GRIK1: variants seen among roughly 807,000 people sequenced by gnomAD.
GRIK1 encodes glutamate ionotropic receptor kainate type subunit 1.
In GRIK1, 69 loss-of-function variants were observed where a neutral mutation model predicts 105.7. That is an observed-to-expected ratio of 0.65 (90% CI 0.54 to 0.80). GRIK1 has a LOEUF of 0.80. Among genes scored for constraint, GRIK1 ranks in the 30% least tolerant of loss-of-function variants. The pLI is 0.00. For synonymous variants in GRIK1, 438 were observed against 431.3 expected (o/e 1.02, Z -0.19); for missense variants, 1,109 against 1,167.3 (o/e 0.95, Z 0.73).
At chr21:29,599,351 T>C (rs1032322804) in intron 7 of GRIK1, among the ~76,000 whole-genome samples, 2 of 152,222 alleles carry the variant, frequency 1.3e-5, no homozygotes, top group Non-Finnish European at 2.9e-5. Flanking sequence ...TAGACTAATA[T>C]AGTCCAATGA....
In GRIK1 at chr21:29,649,264, A is replaced by G. The variant is rs363588; in HGVS notation, c.954+1854T>C. 7.8e-3 allele frequency among the ~76,000 whole-genome samples: 1,183 copies of G among 152,344 alleles called. 4 individuals are homozygous for G. The highest frequency in any genetic ancestry group is 0.024 in the Middle Eastern group (7 of 294). On this transcript the variant is annotated intron_variant, in intron 6 of 17. Coordinates refer to ENST00000327783, the MANE Select transcript of GRIK1 (RefSeq NM_001330994.2). ...GGATACAACTCATACTGGGGCCTGC[A>G]TCCTATCACTTTTTAAAAAATTAGT...
intron 4 of GRIK1, among the ~76,000 whole-genome samples, chr21:29,669,717 A>G (rs2063128727): frequency 6.6e-6 from 1 of 152,176 alleles, no homozygotes; most frequent in African/African-American, 2.4e-5. Context: ...TGCTATGATC[A>G]TGTAGGATGC....
chr21:29,697,437 G>A (rs575828770), intron 1 of GRIK1, among the ~76,000 whole-genome samples: 16 of 152,200 alleles, frequency 1.1e-4, no homozygotes, highest in Non-Finnish European at 1.9e-4. Flanking sequence ...ATGTGCTTGG[G>A]TAGTGTGTAG....
In GRIK1 at chr21:29,642,864, A is replaced by G. The variant is rs113725881; in HGVS notation, c.1060T>C (p.Trp354Arg). 3.1e-6 allele frequency: 5 copies of G among 1,614,154 alleles called. No individual in the cohort carries two copies. In the East Asian group the frequency reaches 8.9e-5, roughly 29 times the overall value. The change falls in exon 7 of 18, where the codon TGG becomes CGG. Residue 354 changes from tryptophan to arginine, a missense_variant. Physicochemically the swap from Trp to Arg is moderately radical, Grantham distance 101 (BLOSUM62 -3). This residue lies in a region of GRIK1 where 612 missense variants were observed against 586.0 expected (regional missense o/e 1.04). Coordinates refer to ENST00000327783, the MANE Select transcript of GRIK1 (RefSeq NM_001330994.2). ...SSLQCHRHKP[W>R]RLGPRFMNLI... Reference sequence around the variant, plus strand: ...TTCATAAATCTGGGTCCGAGGCGCCATGGCTTATGTCTATGGCACTGCAGG... The same window carrying G: ...TTCATAAATCTGGGTCCGAGGCGCCGTGGCTTATGTCTATGGCACTGCAGG...
intron 1 of GRIK1, among the ~76,000 whole-genome samples, chr21:29,722,106 G>A (rs1275476619): frequency 6.6e-6 from 1 of 152,102 alleles, no homozygotes; most frequent in Non-Finnish European, 1.5e-5. Context: ...CCTTGGAAGA[G>A]CTTGAGTATG....
chr21:29,889,364 AC>A (rs1483100450), intron 1 of GRIK1, among the ~76,000 whole-genome samples: 1 of 152,120 alleles, frequency 6.6e-6, no homozygotes, highest in East Asian at 1.9e-4. Flanking sequence ...GATATGGGAA[AC>A]CTTTAATTAT....
chr21:29,777,566 G>T (rs1054709318), intron 1 of GRIK1, among the ~76,000 whole-genome samples: 1 of 152,168 alleles, frequency 6.6e-6, no homozygotes, highest in Non-Finnish European at 1.5e-5. Flanking sequence ...ATTGAAAAAG[G>T]TCTAATTGTG....
At chr21:29,642,779 C>T (rs763145592) in intron 7 of GRIK1, 47 bp downstream of exon 7, 3 of 1,589,394 alleles carry the variant, frequency 1.9e-6, no homozygotes, top group Non-Finnish European at 2.6e-6. Context: ...TGGGCAAGCC[C>T]AACAGTGCTC....
chr21:29,708,838 C>CAGATTTGTTAT (rs1264710565), intron 1 of GRIK1, among the ~76,000 whole-genome samples: 1 of 152,070 alleles, frequency 6.6e-6, no homozygotes, highest in African/African-American at 2.4e-5. Context: ...TTATTTGTTA[C>CAGATTTGTTAT]AGTAACAGAA....
rs192041681 is a variant in GRIK1 at position 29,765,290 on chromosome 21, T to C, written c.119-71227A>G. Among the ~76,000 whole-genome samples the C allele has an allele frequency of 7.3e-3, 1,111 of 152,178 alleles. 10 individuals carry two copies. Among genetic ancestry groups the C allele is most frequent in the African/African-American group, 0.024 (1,011 of 41,468 alleles). ...TTTTATTTTATAAGAAAATCTAATA[T>C]GTCTCTTTTTTCTGCTTGCTTTTAT... On this transcript the variant is annotated intron_variant, in intron 1 of 17. Transcript: ENST00000327783.
rs200187567 is a variant in GRIK1, at chr21:29,709,229, C to G, written c.119-15166G>C. The stretch of plus-strand genomic sequence containing the variant: ...CATTGTGTTAATACTGGTTCTAAAA[C>G]TTGCTGGTAAATAAATGACACTTTC... On this transcript the variant is annotated intron_variant, in intron 1 of 17. Coordinates refer to ENST00000327783, the MANE Select transcript of GRIK1 (RefSeq NM_001330994.2). Among the ~76,000 whole-genome samples, 53 of 150,722 alleles carry G rather than the reference C, an allele frequency of 3.5e-4. 1 individual carries two copies. The East Asian group carries it at 0.01, about 29-fold the overall frequency.
chr21:29,543,403 G>A (rs1226638387), intron 16 of GRIK1, among the ~76,000 whole-genome samples: 1 of 152,202 alleles, frequency 6.6e-6, no homozygotes, highest in Non-Finnish European at 1.5e-5. Flanking sequence ...AAGAGCAGAG[G>A]TCAGGCTTTA....
intron 1 of GRIK1, among the ~76,000 whole-genome samples, chr21:29,747,626 C>A (rs533849449): frequency 1.3e-5 from 2 of 152,066 alleles, no homozygotes; most frequent in African/African-American, 2.4e-5. Flanking sequence ...GTCAGGAGAT[C>A]GAGACCATCC....
intron 11 of GRIK1, among the ~76,000 whole-genome samples, chr21:29,588,168 G>T (rs2061274561): frequency 6.6e-6 from 1 of 151,470 alleles, no homozygotes; most frequent in Admixed American, 6.6e-5. Flanking sequence ...TAGAGGCGGG[G>T]TTTCACTGTG....
chr21:29,819,157 A>G (rs917834341), intron 1 of GRIK1, among the ~76,000 whole-genome samples: 5 of 152,146 alleles, frequency 3.3e-5, no homozygotes, highest in Non-Finnish European at 7.4e-5. Flanking sequence ...ATATTGAAAT[A>G]CTATTCGACA....
chr21:29,593,641 C>T (rs1206873057), intron 9 of GRIK1, among the ~76,000 whole-genome samples: 1 of 152,134 alleles, frequency 6.6e-6, no homozygotes, highest in Non-Finnish European at 1.5e-5. Context: ...AGAAGGGAAT[C>T]TAATTTTTAA....
intron 1 of GRIK1, among the ~76,000 whole-genome samples, chr21:29,756,165 A>G (rs1449711721): frequency 2.0e-5 from 3 of 152,014 alleles, no homozygotes; most frequent in Non-Finnish European, 2.9e-5. Flanking sequence ...GCGGATCACA[A>G]AGTCAGGAGA....
chr21:29,630,445 C>T lies in GRIK1; in HGVS notation c.1098+12381G>A, dbSNP rs531009064. The T allele has an allele frequency of 8.5e-4, 391 of 457,894 alleles. 1 individual carries two copies. The highest frequency in any genetic ancestry group is 1.4e-3 in the Non-Finnish European group (317 of 222,792). 28.4% of individuals were successfully genotyped at this position (457,894 alleles called of 1,614,324 possible). ...ATTGACTTTGACTTAATAAAAAGTA[C>T]GATTATCCTGCAGGGGAGGGCTGAC... On this transcript the variant is annotated intron_variant, in intron 7 of 17. Transcript: ENST00000327783.
At chr21:29,726,009 G>T (rs1051192768) in intron 1 of GRIK1, among the ~76,000 whole-genome samples, 1 of 152,122 alleles carries the variant, frequency 6.6e-6, no homozygotes, top group South Asian at 2.1e-4. Context: ...TCTGGTTCAG[G>T]TGGAAAGACA....
Sources: allele counts gnomAD v4.1 joint callset (sites outside exome capture counted in the v4.1 genomes callset), GRCh38; gene constraint gnomAD v4.1.1; regional missense constraint gnomAD v4.1.1; transcripts MANE v1.5; gene names NCBI Gene and HGNC (gene_info 2026-07-23, HGNC 2026-07-21).